MYH14: variants seen among roughly 807,000 people sequenced by gnomAD.
MYH14 encodes the protein myosin-14.
A neutral mutation model predicts 255.5 loss-of-function variants in MYH14; 123 were observed. The observed-to-expected ratio is 0.48, with a 90% CI of 0.42 to 0.56. MYH14 has a LOEUF of 0.56. Ranked by LOEUF, MYH14 falls within the 20% of genes least tolerant of loss-of-function variation. The probability of loss-of-function intolerance (pLI) is 0.00; values close to 1 mark genes in which losing one functional copy is unlikely to be tolerated. For missense variants in MYH14, 2,423 were observed against 2,802.3 expected, an observed-to-expected ratio of 0.86 and a Z score of 3.06; for synonymous variants, 1,095 against 1,161.2, an observed-to-expected ratio of 0.94 and a Z score of 1.16.
Position 50,281,596 on chromosome 19 carries a change from T to C in MYH14, c.4293T>C (p.Leu1431=). Residue 1431 remains leucine (L), a splice_region_variant and synonymous_variant, in exon 33 of 43, where the codon CTT becomes CTC. Transcript: ENST00000642316. ...CACCCTCTCTCTCCTCCCCTCAGCT[T>C]TCCGAGTGGCGGCGGCGCCAGGAGG... ...GRELQTAQAQ[L]SEWRRRQEEE... is the part of the protein sequence containing the mutation. The C allele has an allele frequency of 6.3e-7, 1 of 1,585,476 alleles. No homozygotes were observed. Among genetic ancestry groups the C allele is most frequent in the Admixed American group, 1.8e-5 (1 of 57,142 alleles).
Position 50,226,936 on chromosome 19 carries a change from G to C in MYH14, c.844G>C (p.Gly282Arg). The C allele has an allele frequency of 6.2e-7, 1 of 1,613,818 alleles. No homozygotes were observed. Among genetic ancestry groups the C allele is most frequent in the South Asian group, 1.1e-5 (1 of 91,076 alleles). The change falls in exon 8 of 43, where the codon GGG (glycine) becomes CGG (arginine). Residue 282 changes from glycine (G) to arginine (R), a missense_variant. Transcript: ENST00000642316. ...CATCCGCATCAACTTTGATGTTGCC[G>C]GGTACATCGTGGGCGCCAACATTGA... Reference protein sequence around the residue: ...KFIRINFDVAGYIVGANIETY... With the variant: ...KFIRINFDVARYIVGANIETY...
chr19:50,211,608 G>A (rs1568462720), intron 2 of MYH14, among the ~76,000 whole-genome samples: 2 of 152,050 alleles, frequency 1.3e-5, no homozygotes, highest in South Asian at 4.1e-4. Context: ...GAAAACTGAG[G>A]CACAGAGAGT....
intron 8 of MYH14, among the ~76,000 whole-genome samples, chr19:50,228,123 A>C (rs1407001912): frequency 2.6e-5 from 4 of 152,064 alleles, no homozygotes; most frequent in Non-Finnish European, 4.4e-5. Flanking sequence ...GTCTCTAATA[A>C]AAATACAAAA....
intron 27 of MYH14, among the ~76,000 whole-genome samples, chr19:50,273,348 C>T (rs2035385091): frequency 6.6e-6 from 1 of 151,360 alleles, no homozygotes; most frequent in Non-Finnish European, 1.5e-5. Flanking sequence ...TGCTTGGCCT[C>T]CCCACACCAA....
chr19:50,217,782 G>A lies in MYH14; in HGVS notation c.562+11G>A. 6.2e-7 allele frequency: 1 copy of A among 1,611,498 alleles called. No individual in the cohort carries two copies. Among genetic ancestry groups the A allele is most frequent in the Admixed American group, 1.7e-5 (1 of 59,988 alleles). On this transcript the variant is annotated intron_variant, in intron 3 of 42. Coordinates refer to ENST00000642316, the MANE Select transcript of MYH14 (RefSeq NM_001145809.2). ...GGAGCATGCTGCAGGGTGAGTGCTG[G>A]GTGGGGCTGTAGGCCAGCGAGGCGG...
At chr19:50,251,557 CACACACACACACAT>C (rs754156872) in intron 15 of MYH14, among the ~76,000 whole-genome samples, 52 of 104,880 alleles carry the variant, frequency 5.0e-4, no homozygotes, top group East Asian at 1.4e-3. Flanking sequence ...CACACACACA[CACACACACACACAT>C]ATATATATGT....
intron 27 of MYH14, among the ~76,000 whole-genome samples, chr19:50,273,116 C>G (rs2035371201): frequency 6.6e-6 from 1 of 151,862 alleles, no homozygotes; most frequent in Admixed American, 6.6e-5. Flanking sequence ...CATGGCAAAA[C>G]CCTGTCTCTA....
chr19:50,261,464 AC>A lies in MYH14; in HGVS notation c.2425-7del. ...CCCTCTCCGTCATCACCCCTCTCCC[AC>A]CCCTCACAGATCCAGGCGCTGGAAC... On this transcript the variant is annotated splice_polypyrimidine_tract_variant and intron_variant, in intron 20 of 42. Transcript: ENST00000642316. The A allele has an allele frequency of 9.2e-7, 1 of 1,087,270 alleles. No homozygotes were observed. 67.4% of individuals were successfully genotyped at this position (1,087,270 alleles called of 1,614,324 possible). A position where few individuals can be genotyped will look rare whatever the true frequency, so the allele number is the denominator to read the frequency against.
At chr19:50,272,467 C>T (rs1310234630) in intron 26 of MYH14, 93 bp from the exon 27 acceptor site, 3 of 1,341,894 alleles carry the variant, frequency 2.2e-6, no homozygotes, top group Non-Finnish European at 3.1e-6. Context: ...CTGAGCTTAG[C>T]CTTATATGTG....
At chr19:50,245,015 G>A (rs1008832920) in intron 11 of MYH14, among the ~76,000 whole-genome samples, 4 of 152,054 alleles carry the variant, frequency 2.6e-5, no homozygotes, top group Non-Finnish European at 5.9e-5. Flanking sequence ...TTCAAGAACA[G>A]AATTATAGTC....
chr19:50,277,540 A>G (rs1006808969), intron 29 of MYH14, among the ~76,000 whole-genome samples: 2 of 152,174 alleles, frequency 1.3e-5, no homozygotes, highest in Middle Eastern at 3.4e-3. Context: ...CCCAAGAAGC[A>G]GAGGTTGAAG....
At chr19:50,223,014 T>C (rs1013441539) in intron 3 of MYH14, 69 bp from the exon 4 acceptor site, 3 of 1,453,106 alleles carry the variant, frequency 2.1e-6, no homozygotes, top group South Asian at 1.1e-5. Context: ...CAGCGGCCAG[T>C]GTAAGGGACC....
chr19:50,277,236 A>G (rs891843827), intron 29 of MYH14, among the ~76,000 whole-genome samples: 25 of 152,122 alleles, frequency 1.6e-4, no homozygotes, highest in African/African-American at 6.0e-4. Context: ...GAACAGGAAA[A>G]AGGGATCAGA....
At position 50,286,591 on chromosome 19, in the gene MYH14, T is replaced by C; in HGVS notation, c.4649T>C (p.Leu1550Pro). ...CGGGCCCTGTCACTGACACGGGCAC[T>C]GGAGGAGGAGCAGGAGGCACGTGAG... ...EARALSLTRALEEEQEAREEL... is the reference protein window; with the variant it reads ...EARALSLTRAPEEEQEAREEL... The change falls in exon 34 of 43, where the codon CTG becomes CCG. Residue 1550 changes from leucine to proline, a missense_variant. Coordinates refer to ENST00000642316, the MANE Select transcript of MYH14 (RefSeq NM_001145809.2). 6.2e-7 allele frequency: 1 copy of C among 1,607,746 alleles called. No homozygotes were observed.
chr19:50,235,605 C>T (rs1470953259), intron 10 of MYH14, among the ~76,000 whole-genome samples: 3 of 150,992 alleles, frequency 2.0e-5, no homozygotes, highest in Non-Finnish European at 4.4e-5. Context: ...TATGGTGAGA[C>T]CCTGTCTCTA....
At chr19:50,254,142 G>A (rs529462921) in intron 16 of MYH14, among the ~76,000 whole-genome samples, 6 of 151,998 alleles carry the variant, frequency 3.9e-5, no homozygotes, top group African/African-American at 9.6e-5. Flanking sequence ...GCTTGAACCC[G>A]GGAGGTGGAG....
chr19:50,269,351 T>G (rs2035211034), intron 24 of MYH14, among the ~76,000 whole-genome samples: 1 of 152,180 alleles, frequency 6.6e-6, no homozygotes, highest in Non-Finnish European at 1.5e-5. Context: ...AGCTAATGTT[T>G]TTTTATTTTT....
At chr19:50,309,370 CCTGTCATCT>C (rs2036767312) in intron 42 of MYH14, 193 bp downstream of exon 42, 1 of 634,368 alleles carries the variant, frequency 1.6e-6, no homozygotes, top group African/African-American at 1.8e-5. Flanking sequence ...CCCATTTCTC[CCTGTCATCT>C]CTGTGCCCTC....
chr19:50,275,107 A>G (rs567914690), intron 27 of MYH14, among the ~76,000 whole-genome samples: 3 of 152,224 alleles, frequency 2.0e-5, no homozygotes. Flanking sequence ...ACCCTGGTAA[A>G]GGGGAGTGTT....
Sources: gnomAD v4.1 joint callset for allele counts (sites outside exome capture counted in the v4.1 genomes callset) on GRCh38, gnomAD v4.1.1 for gene constraint, MANE v1.5 for transcripts, NCBI Gene and HGNC (gene_info 2026-07-23, HGNC 2026-07-21) for gene names.